The following EIF4A2 variants were observed in gnomAD, a reference collection of about 807,000 sequenced individuals.
EIF4A2 encodes eukaryotic translation initiation factor 4A2.
In EIF4A2, 9 loss-of-function variants were observed where a neutral mutation model predicts 50.6. The ratio of observed to expected loss-of-function variants is 0.18; its 90% CI spans 0.11 to 0.31. The LOEUF is 0.31. EIF4A2 is among the 10% of genes least tolerant of loss of function. The pLI is 1.00. For missense variants in EIF4A2, 182 were observed against 501.8 expected (o/e 0.36, Z 6.09); for synonymous variants, 215 against 164.4 (o/e 1.31, Z -2.35).
In EIF4A2 at chr3:186,787,425, C is replaced by T. The variant is rs1446692615; in HGVS notation, c.910-70C>T. On this transcript the variant is annotated intron_variant, in intron 8 of 10. Coordinates refer to ENST00000323963, the MANE Select transcript of EIF4A2 (RefSeq NM_001967.4). ...TGTAGCAGCCAGGGACGCTTGGTCTCATACATGTTGATTAAAATTAAATAC... is the reference window on the plus strand; with the variant it reads ...TGTAGCAGCCAGGGACGCTTGGTCTTATACATGTTGATTAAAATTAAATAC... 4 of 1,609,252 alleles carry T rather than the reference C, an allele frequency of 2.5e-6. No homozygotes were observed. In the South Asian group the frequency reaches 3.3e-5, roughly 13 times the overall value.
At position 186,783,607 on chromosome 3, in the gene EIF4A2, G is replaced by GATC; in HGVS notation, c.-1_2dup. On this transcript the variant is annotated 5_prime_UTR_variant, in exon 1 of 11. Transcript: ENST00000323963. ...CAGTCGGGCGCTGAGTGGTTTTTCG[G>GATC]ATCATGTCTGGTGGCTCCGCGGATT... 6.2e-7 allele frequency: 1 copy of GATC among 1,614,156 alleles called. No homozygotes were observed. Among genetic ancestry groups the GATC allele is most frequent in the Non-Finnish European group, 8.5e-7 (1 of 1,180,032 alleles).
intron 4 of EIF4A2, chr3:186,785,556 A>G (rs1049291706): frequency 1.6e-5 from 5 of 317,244 alleles, no homozygotes; most frequent in East Asian, 5.4e-5. Context: ...GGGGAAAAAA[A>G]TCATTTGCCC....
intron 1 of EIF4A2, chr3:186,784,231 G>C (rs971848634): frequency 1.4e-5 from 10 of 716,176 alleles, no homozygotes; most frequent in Non-Finnish European, 2.0e-5. Context: ...ATGCGCTCGG[G>C]CCTGGGGGGC....
At position 186,784,354 on chromosome 3, in the gene EIF4A2, G is replaced by T. The variant is rs563018547; in HGVS notation, c.30-78G>T. On this transcript the variant is annotated intron_variant, in intron 1 of 10. Coordinates refer to ENST00000323963, the MANE Select transcript of EIF4A2 (RefSeq NM_001967.4). ...AGGGGAGGCTAACGTGCTGAGACGG[G>T]TTGCAAAGGGCTATGCGCTTAAGGT... 3.1e-6 allele frequency: 5 copies of T among 1,607,708 alleles called. No homozygotes were observed. In the African/African-American group the frequency reaches 5.3e-5, roughly 17 times the overall value.
chr3:186,786,894 C>G, intron 7 of EIF4A2: 1 of 878,064 alleles, frequency 1.1e-6, no homozygotes, highest in Non-Finnish European at 1.9e-6. Context: ...ATAATTTCTA[C>G]GTTTTGAGAC....
At chr3:186,787,452 G>A (rs138784216) in intron 8 of EIF4A2, 43 bp from the exon 9 acceptor site, 62 of 1,611,556 alleles carry the variant, frequency 3.8e-5, no homozygotes, top group Middle Eastern at 3.3e-4. Context: ...ATTAAATACC[G>A]ACCTGACTGG....
chr3:186,784,238 G>T (rs536728635), intron 1 of EIF4A2, 194 bp from the exon 2 acceptor site: 1 of 752,814 alleles, frequency 1.3e-6, no homozygotes, highest in African/African-American at 1.8e-5. Context: ...CGGGCCTGGG[G>T]GGCTGCCTTT....
chr3:186,787,680 A>AGT (rs1157467790), intron 9 of EIF4A2, 96 bp downstream of exon 9: 1 of 1,586,102 alleles, frequency 6.3e-7, no homozygotes, highest in East Asian at 2.2e-5. Context: ...TATTTGGAAG[A>AGT]GTAAAAGACC....
intron 3 of EIF4A2, 97 bp downstream of exon 3, chr3:186,784,793 TTAAAG>T: frequency 6.2e-7 from 1 of 1,603,576 alleles, no homozygotes; most frequent in Non-Finnish European, 8.5e-7. Context: ...TTTGTATTCC[TTAAAG>T]TGAAATGATG....
chr3:186,787,024 C>A, intron 7 of EIF4A2, 103 bp from the exon 8 acceptor site: 1 of 1,456,802 alleles, frequency 6.9e-7, no homozygotes, highest in Non-Finnish European at 9.3e-7. Flanking sequence ...TCCCAAAGGG[C>A]TGGGATTACA....
At position 186,783,605 on chromosome 3, in the gene EIF4A2, C is replaced by T. The variant is rs369580578; in HGVS notation, c.-6C>T. 69 of 1,614,086 alleles carry T rather than the reference C, an allele frequency of 4.3e-5. No homozygotes were observed. The highest frequency in any genetic ancestry group is 3.7e-4 in the South Asian group (34 of 91,070). ...TTCAGTCGGGCGCTGAGTGGTTTTT[C>T]GGATCATGTCTGGTGGCTCCGCGGA... On this transcript the variant is annotated 5_prime_UTR_variant, in exon 1 of 11. Transcript: ENST00000323963.
intron 3 of EIF4A2, 26 bp downstream of exon 3, chr3:186,784,722 A>G (rs1721587165): frequency 1.2e-5 from 20 of 1,611,478 alleles, no homozygotes; most frequent in Non-Finnish European, 1.4e-5. Context: ...ATTTTTAGGA[A>G]ATTGTTCTAC....
Position 186,789,620 on chromosome 3 carries a change from T to G in EIF4A2, c.*351T>G, listed in dbSNP as rs1721998080. ...TAAAAGATATAAGTGCTGTATAAAATCAGCCAATTATGTTAAACTAGCATA... is the reference window on the plus strand; with the variant it reads ...TAAAAGATATAAGTGCTGTATAAAAGCAGCCAATTATGTTAAACTAGCATA... On this transcript the variant is annotated 3_prime_UTR_variant, in exon 11 of 11. Coordinates refer to ENST00000323963, the MANE Select transcript of EIF4A2 (RefSeq NM_001967.4). The G allele has an allele frequency of 3.0e-6, 1 of 333,454 alleles. No homozygotes were observed. Among genetic ancestry groups the G allele is most frequent in the Admixed American group, 4.5e-5 (1 of 22,284 alleles). 20.7% of individuals were successfully genotyped at this position (333,454 alleles called of 1,614,324 possible).
rs565320884 is a variant in EIF4A2 at position 186,784,918 on chromosome 3, C to T, written c.209-44C>T. On this transcript the variant is annotated intron_variant, in intron 3 of 10. Transcript: ENST00000323963. ...AATACATGGTGTGAAGTAGAAGTGA[C>T]AATTTGATGTGGGATCGGTAAATGT... 20 of 1,613,876 alleles carry T rather than the reference C, an allele frequency of 1.2e-5. No individual in the cohort carries two copies. In the African/African-American group the frequency reaches 1.7e-4, roughly 14 times the overall value.
In EIF4A2 at chr3:186,786,264, AAG is replaced by A. The variant is rs773441667; in HGVS notation, c.619_620del (p.Ser207TyrfsTer13). The A allele has an allele frequency of 6.2e-7, 1 of 1,613,224 alleles. No homozygotes were observed. The highest frequency in any genetic ancestry group is 8.5e-7 in the Non-Finnish European group (1 of 1,179,686). On this transcript the variant is annotated frameshift_variant, in exon 6 of 11. Transcript: ENST00000323963. LOFTEE classifies it high-confidence loss of function. Reference protein sequence around the residue: ...IYEIFQKLNTSIQVVLLSATM... With the variant: ...IYEIFQKLNTXIQVVLLSATM... The stretch of plus-strand genomic sequence containing the variant: ...ATGAGATTTTCCAAAAACTAAACAC[AAG>A]TATTCAGGTAAGCATTACTTCACCC...
At chr3:186,786,371 C>CT in intron 6 of EIF4A2, 98 bp downstream of exon 6, 3 of 1,515,234 alleles carry the variant, frequency 2.0e-6, no homozygotes, top group Non-Finnish European at 2.7e-6. Flanking sequence ...GTCGTTCCCC[C>CT]TGCTTAAAGC....
chr3:186,785,178 A>G, intron 4 of EIF4A2, 77 bp downstream of exon 4: 3 of 1,576,528 alleles, frequency 1.9e-6, no homozygotes, highest in Non-Finnish European at 2.6e-6. Flanking sequence ...AGAATTTAAA[A>G]CTTAGTATAA....
intron 3 of EIF4A2, 90 bp from the exon 4 acceptor site, chr3:186,784,872 T>C: frequency 6.2e-7 from 1 of 1,608,496 alleles, no homozygotes; most frequent in Non-Finnish European, 8.5e-7. Flanking sequence ...CTTGATTATT[T>C]GGGCATAATG....
At chr3:186,786,360 T>G in intron 6 of EIF4A2, 87 bp downstream of exon 6, 2 of 1,514,012 alleles carry the variant, frequency 1.3e-6, no homozygotes, top group Admixed American at 4.0e-5. Context: ...TGTGTTTTGT[T>G]GTCGTTCCCC....
Sources: gnomAD v4.1 joint callset for allele counts on GRCh38, gnomAD v4.1.1 for gene constraint, MANE v1.5 for transcripts, NCBI Gene and HGNC (gene_info 2026-07-23, HGNC 2026-07-21) for gene names.